TNRC6B: variants seen among roughly 807,000 people sequenced by gnomAD.
The protein encoded by TNRC6B is trinucleotide repeat containing adaptor 6B.
Under a neutral mutation model 203.6 loss-of-function variants are expected in TNRC6B, and 52 were observed. The observed-to-expected ratio is 0.26, with a 90% CI of 0.20 to 0.32. TNRC6B has a LOEUF of 0.32. TNRC6B is among the 10% of genes least tolerant of loss of function. The pLI, the probability that TNRC6B is intolerant of heterozygous loss-of-function variation, is 1.00. For missense variants in TNRC6B, 1,923 were observed against 2,286.2 expected, an observed-to-expected ratio of 0.84 and a Z score of 3.24; for synonymous variants, 838 against 845.7, an observed-to-expected ratio of 0.99 and a Z score of 0.16.
chr22:40,111,286 G>C (rs1432251091), intron 1 of TNRC6B, among the ~76,000 whole-genome samples: 1 of 136,406 alleles, frequency 7.3e-6, no homozygotes, highest in Non-Finnish European at 1.5e-5. Context: ...AGTGGGGCGA[G>C]CAGGGACCGG....
intron 1 of TNRC6B, among the ~76,000 whole-genome samples, chr22:40,227,558 C>G (rs1316423814): frequency 6.6e-6 from 1 of 151,780 alleles, no homozygotes; most frequent in East Asian, 1.9e-4. Flanking sequence ...ACCATGTTGG[C>G]CAGGCTGGTC....
At chr22:40,051,932 G>T (rs1418856999) in intron 1 of TNRC6B, among the ~76,000 whole-genome samples, 1 of 151,722 alleles carries the variant, frequency 6.6e-6, no homozygotes, top group Admixed American at 6.6e-5. Context: ...TGTATTTTTC[G>T]CTCATAGACA....
At chr22:40,098,120 TCATGCCTGTAATCC>T (rs2068199876) in intron 1 of TNRC6B, among the ~76,000 whole-genome samples, 1 of 152,102 alleles carries the variant, frequency 6.6e-6, no homozygotes, top group South Asian at 2.1e-4. Context: ...GCATGGTGGC[TCATGCCTGTAATCC>T]CAGCACTTTG....
At chr22:40,111,000 A>G (rs2068327562) in intron 1 of TNRC6B, among the ~76,000 whole-genome samples, 1 of 152,160 alleles carries the variant, frequency 6.6e-6, no homozygotes, top group African/African-American at 2.4e-5. Flanking sequence ...CGGGAAGCTT[A>G]CCACCTCCTA....
At chr22:40,286,003 C>T (rs2070774929) in intron 12 of TNRC6B, among the ~76,000 whole-genome samples, 1 of 152,170 alleles carries the variant, frequency 6.6e-6, no homozygotes, top group South Asian at 2.1e-4. Context: ...TTTATTTCAT[C>T]ATGCATACCA....
chr22:40,332,152 T>A lies in TNRC6B; in HGVS notation c.*8911T>A, dbSNP rs2043988951. On this transcript the variant is annotated 3_prime_UTR_variant, in exon 23 of 23. Transcript: ENST00000454349. ...TGAAAGTTAATCTTTAGGTCGATTT[T>A]GAAAAACTCCGCCTCCTCTCTCCTT... 6.5e-6 allele frequency: 1 copy of A among 153,112 alleles called. No homozygotes were observed. The highest frequency in any genetic ancestry group is 2.1e-4 in the South Asian group (1 of 4,830). The allele number at this position is 153,112 out of a possible 1,614,324, so 9.5% of individuals were successfully genotyped here.
intron 12 of TNRC6B, among the ~76,000 whole-genome samples, chr22:40,292,701 G>T (rs1374776317): frequency 6.6e-6 from 1 of 152,182 alleles, no homozygotes; most frequent in Non-Finnish European, 1.5e-5. Flanking sequence ...TGTTTGCCTG[G>T]AGCCTAGTGG....
intron 1 of TNRC6B, among the ~76,000 whole-genome samples, chr22:40,104,147 A>G (rs1475989400): frequency 1.3e-5 from 2 of 152,044 alleles, no homozygotes; most frequent in Admixed American, 6.6e-5. Context: ...ACTACTCAGG[A>G]GGCTGAGGCA....
intron 21 of TNRC6B, among the ~76,000 whole-genome samples, chr22:40,320,223 T>C (rs2071317067): frequency 6.6e-6 from 1 of 152,208 alleles, no homozygotes; most frequent in Non-Finnish European, 1.5e-5. Context: ...GGCTCATGCC[T>C]GTAATCCCAG....
At chr22:40,251,147 A>G (rs1383436142) in intron 2 of TNRC6B, 32 bp from the exon 3 acceptor site, 5 of 1,524,008 alleles carry the variant, frequency 3.3e-6, no homozygotes, top group Admixed American at 4.2e-5. Flanking sequence ...TAAAAAGCAA[A>G]TCTCATTTAC....
At chr22:40,218,324 C>CTTTTTTTTTTTTTTTTTT (rs71199275) in intron 1 of TNRC6B, among the ~76,000 whole-genome samples, 1 of 97,460 alleles carries the variant, frequency 1.0e-5, no homozygotes, top group Non-Finnish European at 2.0e-5. Flanking sequence ...TTTTTCTTTT[C>CTTTTTTTTTTTTTTTTTT]TTTTTTTTTT....
chr22:40,205,876 CTT>C, intron 1 of TNRC6B, among the ~76,000 whole-genome samples: 1 of 152,294 alleles, frequency 6.6e-6, no homozygotes, highest in Non-Finnish European at 1.5e-5. Flanking sequence ...TTGGGAAAGT[CTT>C]TTTGGGTTCT....
At chr22:40,241,468 C>A (rs1172818162) in intron 1 of TNRC6B, among the ~76,000 whole-genome samples, 3 of 152,214 alleles carry the variant, frequency 2.0e-5, no homozygotes, top group Non-Finnish European at 4.4e-5. Flanking sequence ...TTGACTGTCA[C>A]AGCCTTAAAA....
chr22:40,100,067 A>AT (rs1555979600), intron 1 of TNRC6B, among the ~76,000 whole-genome samples: 43 of 112,082 alleles, frequency 3.8e-4, no homozygotes, highest in African/African-American at 1.2e-3. Context: ...TTTTATTTTT[A>AT]TTATTTATTT....
At chr22:40,279,801 A>G (rs1382133977) in intron 9 of TNRC6B, among the ~76,000 whole-genome samples, 194 bp from the exon 10 acceptor site, 7 of 152,216 alleles carry the variant, frequency 4.6e-5, no homozygotes, top group Non-Finnish European at 1.0e-4. Context: ...ATAAATAAAA[A>G]GGACCCATGT....
intron 1 of TNRC6B, among the ~76,000 whole-genome samples, chr22:40,234,767 A>C (rs1186798066): frequency 6.6e-6 from 1 of 152,202 alleles, no homozygotes; most frequent in African/African-American, 2.4e-5. Flanking sequence ...CTTATAAGCC[A>C]CTTAGAATGA....
chr22:40,188,271 A>G (rs1467876603), intron 1 of TNRC6B, among the ~76,000 whole-genome samples: 4 of 152,178 alleles, frequency 2.6e-5, no homozygotes, highest in African/African-American at 9.7e-5. Context: ...AACCTTGTTC[A>G]CACTGGAGAG....
intron 3 of TNRC6B, among the ~76,000 whole-genome samples, chr22:40,128,601 GCAGCCTCAACCACC>G (rs1568991502): frequency 6.6e-6 from 1 of 151,338 alleles, no homozygotes; most frequent in African/African-American, 2.4e-5. Context: ...ACAGCTCACT[GCAGCCTCAACCACC>G]CAGCCTCAAG....
chr22:40,128,430 A>C (rs2068512771), intron 3 of TNRC6B, among the ~76,000 whole-genome samples: 1 of 152,214 alleles, frequency 6.6e-6, no homozygotes, highest in Non-Finnish European at 1.5e-5. Context: ...GAGGAAAAGT[A>C]GAGAATTTTT....
Sources: gnomAD v4.1 joint callset for allele counts (sites outside exome capture counted in the v4.1 genomes callset) on GRCh38, gnomAD v4.1.1 for gene constraint, MANE v1.5 for transcripts, NCBI Gene and HGNC (gene_info 2026-07-23, HGNC 2026-07-21) for gene names.